DYSF: variants seen among roughly 807,000 people sequenced by gnomAD.
DYSF encodes dysferlin, also known as dystrophy-associated fer-1-like 1.
DYSF carries 212 observed loss-of-function variants against 274.9 expected under a neutral mutation model. The observed-to-expected ratio is 0.77, with a 90% CI of 0.69 to 0.86. The LOEUF (loss-of-function observed/expected upper bound fraction) is 0.86, where lower values mean the gene tolerates loss of function less well. Among genes scored for constraint, DYSF ranks in the 40% least tolerant of loss-of-function variants. The pLI, the probability that DYSF is intolerant of heterozygous loss-of-function variation, is 0.00. For synonymous variants in DYSF, 1,091 were observed against 1,078.7 expected, an observed-to-expected ratio of 1.01 and a Z score of -0.22; for missense variants, 2,666 against 2,783.2, an observed-to-expected ratio of 0.96 and a Z score of 0.95.
chr2:71,502,542 C>G (rs1399633174), intron 3 of DYSF, among the ~76,000 whole-genome samples: 1 of 152,140 alleles, frequency 6.6e-6, no homozygotes, highest in East Asian at 1.9e-4. Context: ...CCTCTGCTCT[C>G]TTTGAAGGGA....
intron 41 of DYSF, among the ~76,000 whole-genome samples, chr2:71,641,461 T>G (rs60524955): frequency 0.012 from 1,783 of 152,310 alleles, 38 homozygotes; most frequent in African/African-American, 0.04. Context: ...TAAATGTTTA[T>G]CTATTTTAAT....
At chr2:71,486,429 C>T (rs959878674) in intron 3 of DYSF, among the ~76,000 whole-genome samples, 1 of 152,060 alleles carries the variant, frequency 6.6e-6, no homozygotes, top group Non-Finnish European at 1.5e-5. Flanking sequence ...TATTCTTTCT[C>T]TCCTCCTTCT....
chr2:71,665,698 C>T (rs919739097), intron 47 of DYSF, among the ~76,000 whole-genome samples: 1 of 152,190 alleles, frequency 6.6e-6, no homozygotes, highest in Admixed American at 6.5e-5. Context: ...CAGTTTTCTA[C>T]TTGAATTGCA....
chr2:71,503,085 C>T (rs985269591), intron 3 of DYSF, 129 bp from the exon 4 acceptor site: 10 of 837,002 alleles, frequency 1.2e-5, no homozygotes, highest in South Asian at 2.7e-5. Flanking sequence ...GGAGAGCCCT[C>T]GTGGGGTGCT....
Position 71,679,227 on chromosome 2 carries a change from A to G in DYSF, c.6055A>G (p.Ile2019Val). The G allele has an allele frequency of 6.2e-7, 1 of 1,614,004 alleles. No homozygotes were observed. Among genetic ancestry groups the G allele is most frequent in the Non-Finnish European group, 8.5e-7 (1 of 1,179,962 alleles). Residue 2019 changes from isoleucine to valine, a missense_variant, in exon 53 of 56, where the codon ATA becomes GTA. By Grantham distance (29) the Ile-to-Val change is conservative. Coordinates refer to ENST00000410020, the MANE Select transcript of DYSF (RefSeq NM_001130987.2). ...TGTAGCAGAAGAGGGTGAGAAGAAA[A>G]TACTGGCGGTAAGTCTACTTCCTCC... ...PCVAEEGEKKILAGKLEMTLE... is the reference protein window; with the variant it reads ...PCVAEEGEKKVLAGKLEMTLE...
At position 71,549,296 on chromosome 2, in the gene DYSF, T is replaced by C. The variant is rs953103401; in HGVS notation, c.1577-1745T>C. 3 of 1,569,774 alleles carry C rather than the reference T, an allele frequency of 1.9e-6. No homozygotes were observed. The African/African-American group carries it at 4.1e-5, about 21-fold the overall frequency. ...ATCCACAGCCTGTTCATGTAACCCGTCCTTCTCCCAGCCATGCCCACCCTA... is the reference window on the plus strand; with the variant it reads ...ATCCACAGCCTGTTCATGTAACCCGCCCTTCTCCCAGCCATGCCCACCCTA... On this transcript the variant is annotated intron_variant, in intron 17 of 55. Transcript: ENST00000410020.
intron 3 of DYSF, among the ~76,000 whole-genome samples, chr2:71,492,708 C>T (rs1019505974): frequency 1.5e-5 from 2 of 137,542 alleles, no homozygotes; most frequent in South Asian, 2.7e-4. Flanking sequence ...TCCCCCCCCC[C>T]CTTTTCTTTC....
At position 71,679,209 on chromosome 2, in the gene DYSF, G is replaced by A; in HGVS notation, c.6037G>A (p.Glu2013Lys). ...GAAGGGCTGGTGGCCCTGTGTAGCAGAAGAGGGTGAGAAGAAAATACTGGC... is the reference window on the plus strand; with the variant it reads ...GAAGGGCTGGTGGCCCTGTGTAGCAAAAGAGGGTGAGAAGAAAATACTGGC... The part of the protein sequence containing the change: ...TVKGWWPCVA[E>K]EGEKKILAGK... The change falls in exon 53 of 56, where the codon GAA becomes AAA. Residue 2013 changes from glutamate to lysine, a missense_variant. Transcript: ENST00000410020. The A allele has an allele frequency of 1.9e-6, 3 of 1,614,062 alleles. No homozygotes were observed. The South Asian group carries it at 3.3e-5, about 18-fold the overall frequency.
In DYSF at chr2:71,535,330, A is replaced by T. The variant is rs771021408; in HGVS notation, c.1493+19A>T. ...TAGACTGGTGAGTTCTGAGTCTTGG[A>T]GTCTTTAGGGCGGGCTGTCCTGAGG... is the stretch of plus-strand genomic sequence containing the variant. On this transcript the variant is annotated intron_variant, in intron 16 of 55. Transcript: ENST00000410020. The T allele has an allele frequency of 1.9e-6, 3 of 1,613,658 alleles. No homozygotes were observed. Among genetic ancestry groups the T allele is most frequent in the Non-Finnish European group, 1.7e-6 (2 of 1,179,670 alleles).
chr2:71,647,640 G>A (rs562319405), intron 42 of DYSF, among the ~76,000 whole-genome samples: 41 of 152,346 alleles, frequency 2.7e-4, no homozygotes, highest in South Asian at 1.7e-3. Flanking sequence ...AGGCCACTCA[G>A]CAGTAAGTGA....
chr2:71,514,320 G>A (rs981755774), intron 7 of DYSF, among the ~76,000 whole-genome samples: 6 of 152,098 alleles, frequency 3.9e-5, no homozygotes, highest in Non-Finnish European at 7.4e-5. Flanking sequence ...TGTTAGACAT[G>A]CAGAGTCTAC....
chr2:71,595,206 C>G (rs1313700441), intron 32 of DYSF, among the ~76,000 whole-genome samples: 1 of 152,222 alleles, frequency 6.6e-6, no homozygotes, highest in Non-Finnish European at 1.5e-5. Flanking sequence ...ATTTCATCAA[C>G]TCTTTGCCCA....
At chr2:71,534,943 C>T (rs1310539100) in intron 14 of DYSF, 78 bp from the exon 15 acceptor site, 4 of 1,506,848 alleles carry the variant, frequency 2.7e-6, no homozygotes, top group Non-Finnish European at 2.8e-6. Context: ...AGAATGGTCA[C>T]TGGCTGGCAT....
chr2:71,499,472 C>A (rs2084757367), intron 3 of DYSF, among the ~76,000 whole-genome samples: 1 of 152,156 alleles, frequency 6.6e-6, no homozygotes, highest in Non-Finnish European at 1.5e-5. Context: ...GTTTTGATTT[C>A]TTTGTGCTTT....
At chr2:71,521,932 G>C (rs756836581) in intron 12 of DYSF, among the ~76,000 whole-genome samples, 1 of 152,036 alleles carries the variant, frequency 6.6e-6, no homozygotes, top group Non-Finnish European at 1.5e-5. Context: ...GCTGCACAGC[G>C]ATGAGTGGTG....
At chr2:71,521,774 C>T (rs2087298630) in intron 12 of DYSF, among the ~76,000 whole-genome samples, 1 of 152,116 alleles carries the variant, frequency 6.6e-6, no homozygotes, top group Admixed American at 6.5e-5. Context: ...TAGCTGGGCC[C>T]CGGGTGCTGT....
intron 3 of DYSF, 148 bp downstream of exon 3, chr2:71,482,118 T>C (rs998409140): frequency 1.5e-5 from 10 of 671,936 alleles, no homozygotes; most frequent in Non-Finnish European, 2.3e-5. Flanking sequence ...CAGTGATAGA[T>C]GTTGGGAGAA....
chr2:71,664,589 T>A, intron 46 of DYSF, 151 bp downstream of exon 46: 1 of 898,868 alleles, frequency 1.1e-6, no homozygotes. Context: ...GGGAGTCCTA[T>A]CCCCACTCCA....
chr2:71,559,108 C>T (rs2091540991), intron 22 of DYSF, among the ~76,000 whole-genome samples: 4 of 152,336 alleles, frequency 2.6e-5, no homozygotes, highest in South Asian at 4.1e-4. Context: ...CCTCCCCCTT[C>T]CCCAGGGCTG....
Sources: gnomAD v4.1 joint callset for allele counts (sites outside exome capture counted in the v4.1 genomes callset) on GRCh38, gnomAD v4.1.1 for gene constraint, MANE v1.5 for transcripts, NCBI Gene and HGNC (gene_info 2026-07-23, HGNC 2026-07-21) for gene names.